Variants in PKNOX2 observed in about 807,000 individuals in gnomAD.
PKNOX2 encodes homeobox protein PKNOX2.
A neutral mutation model predicts 53.1 loss-of-function variants in PKNOX2; 14 were observed. The ratio of observed to expected loss-of-function variants is 0.26; its 90% CI spans 0.17 to 0.41. The LOEUF (loss-of-function observed/expected upper bound fraction) is 0.41. PKNOX2 is among the 10% of genes least tolerant of loss of function. The pLI is 1.00. For missense variants in PKNOX2, 496 were observed against 602.8 expected (o/e 0.82, Z 1.85); for synonymous variants, 257 against 242.8 (o/e 1.06, Z -0.54).
Position 125,431,741 on chromosome 11 carries a change from G to T in PKNOX2, c.*349G>T. The T allele has an allele frequency of 3.7e-6, 1 of 273,718 alleles. No homozygotes were observed. Among genetic ancestry groups the T allele is most frequent in the Non-Finnish European group, 7.0e-6 (1 of 142,742 alleles). The allele number at this position is 273,718 out of a possible 1,614,324, so 17.0% of individuals were successfully genotyped here. A position where few individuals can be genotyped will look rare whatever the true frequency, so the allele number is the denominator to read the frequency against. ...ACGGAAGGACTTGAGTTGTTTACAAGCCCTGCACTGAGGCAGATTGGTGCT... is the reference window on the plus strand; with the variant it reads ...ACGGAAGGACTTGAGTTGTTTACAATCCCTGCACTGAGGCAGATTGGTGCT... On this transcript the variant is annotated 3_prime_UTR_variant, in exon 13 of 13. Transcript: ENST00000298282.
Position 125,259,878 on chromosome 11 carries a change from CTT to C in PKNOX2, c.-130+24775_-130+24776del, listed in dbSNP as rs551076606. On this transcript the variant is annotated intron_variant, in intron 2 of 12. Transcript: ENST00000298282. The stretch of plus-strand genomic sequence containing the variant: ...CACCCCCATTCTTTTTTTTTTAATT[CTT>C]TTTTTTTTTTTAAAGAGACAGGGCC... Among the ~76,000 whole-genome samples the C allele has an allele frequency of 2.4e-3, 339 of 144,136 alleles. 2 individuals carry two copies. The highest frequency in any genetic ancestry group is 9.7e-3 in the South Asian group (43 of 4,450). 94.6% of individuals were successfully genotyped at this position (144,136 alleles called of 152,430 possible).
intron 2 of PKNOX2, among the ~76,000 whole-genome samples, chr11:125,261,239 T>C (rs1469572372): frequency 2.0e-5 from 3 of 152,194 alleles, no homozygotes; most frequent in African/African-American, 4.8e-5. Context: ...TGCTGCTTCC[T>C]GGAGTCACAT....
chr11:125,374,929 A>C (rs1952751961), intron 5 of PKNOX2, among the ~76,000 whole-genome samples: 1 of 117,550 alleles, frequency 8.5e-6, no homozygotes. Flanking sequence ...GCTAGTGCAA[A>C]TGACATGGGG....
intron 2 of PKNOX2, among the ~76,000 whole-genome samples, chr11:125,252,681 T>C (rs1286550459): frequency 1.3e-5 from 2 of 152,064 alleles, no homozygotes; most frequent in African/African-American, 4.8e-5. Flanking sequence ...CAAGGTGTGG[T>C]ACCCAATGAG....
At chr11:125,282,252 G>A (rs941673139) in intron 2 of PKNOX2, among the ~76,000 whole-genome samples, 3 of 152,230 alleles carry the variant, frequency 2.0e-5, no homozygotes, top group African/African-American at 4.8e-5. Flanking sequence ...ATTTTTAGCC[G>A]CATGGCCTTG....
At chr11:125,335,598 T>C (rs1950397207) in intron 3 of PKNOX2, among the ~76,000 whole-genome samples, 1 of 152,186 alleles carries the variant, frequency 6.6e-6, no homozygotes, top group Non-Finnish European at 1.5e-5. Flanking sequence ...GTCAAGAACT[T>C]AGAGTTGTTA....
chr11:125,420,657 C>A (rs772455662), intron 10 of PKNOX2, among the ~76,000 whole-genome samples: 19 of 152,326 alleles, frequency 1.2e-4, no homozygotes, highest in Middle Eastern at 3.4e-3. Context: ...CTCAACCTCT[C>A]TAAGCCTCTC....
At chr11:125,322,497 T>C (rs1949575332) in intron 2 of PKNOX2, among the ~76,000 whole-genome samples, 1 of 152,166 alleles carries the variant, frequency 6.6e-6, no homozygotes, top group Non-Finnish European at 1.5e-5. Context: ...GCGTTTTCCA[T>C]GAAGTGAAGC....
chr11:125,341,259 G>GCAGGA (rs1262334667), intron 3 of PKNOX2, among the ~76,000 whole-genome samples: 1 of 151,604 alleles, frequency 6.6e-6, no homozygotes, highest in Admixed American at 6.6e-5. Flanking sequence ...GGGAGGCTGG[G>GCAGGA]GCAGGAGAAT....
chr11:125,167,023 C>A (rs1042908252), intron 1 of PKNOX2, among the ~76,000 whole-genome samples: 1 of 152,054 alleles, frequency 6.6e-6, no homozygotes, highest in South Asian at 2.1e-4. Context: ...CCTTCGGAGG[C>A]CCCAGGACCT....
intron 1 of PKNOX2, among the ~76,000 whole-genome samples, chr11:125,182,967 A>G (rs1157563937): frequency 6.6e-6 from 1 of 152,176 alleles, no homozygotes; most frequent in Non-Finnish European, 1.5e-5. Flanking sequence ...ACTGTTTGGA[A>G]TCAATGAAAC....
intron 10 of PKNOX2, among the ~76,000 whole-genome samples, chr11:125,416,302 CAAAAAA>C (rs61354494): frequency 7.1e-5 from 5 of 70,458 alleles, no homozygotes; most frequent in South Asian, 1.2e-3. Flanking sequence ...GACGCCGTCT[CAAAAAA>C]AAAAAAAAAA....
chr11:125,371,246 G>A (rs573304740), intron 5 of PKNOX2, among the ~76,000 whole-genome samples: 2 of 152,246 alleles, frequency 1.3e-5, no homozygotes, highest in Non-Finnish European at 2.9e-5. Flanking sequence ...TGCACATCGC[G>A]GGTAATTGTG....
At chr11:125,375,882 G>A (rs1162152941) in intron 5 of PKNOX2, among the ~76,000 whole-genome samples, 5 of 152,184 alleles carry the variant, frequency 3.3e-5, no homozygotes, top group Admixed American at 2.0e-4. Flanking sequence ...GGGTGCAGGA[G>A]CAGGTTTGTT....
rs185909496 is a variant in PKNOX2 at position 125,416,815 on chromosome 11, C to A, written c.936+4950C>A. On this transcript the variant is annotated intron_variant, in intron 10 of 12. Transcript: ENST00000298282. ...TGTAGTAAATACTGGTTCCTGTTGT[C>A]TTCTTTCCCTGGGGCATAAGTTTGT... Among the ~76,000 whole-genome samples the A allele has an allele frequency of 1.2e-3, 189 of 152,174 alleles. 2 individuals are homozygous for A. The highest frequency in any genetic ancestry group is 4.3e-3 in the African/African-American group (180 of 41,414).
chr11:125,342,723 G>A (rs1219969822), intron 3 of PKNOX2, among the ~76,000 whole-genome samples: 3 of 151,752 alleles, frequency 2.0e-5, no homozygotes, highest in East Asian at 1.9e-4. Flanking sequence ...TTTCAGATCT[G>A]TTTCTCTGTG....
chr11:125,173,640 C>T (rs1018345055), intron 1 of PKNOX2, among the ~76,000 whole-genome samples: 1 of 152,214 alleles, frequency 6.6e-6, no homozygotes, highest in Admixed American at 6.5e-5. Flanking sequence ...AGTCTTCAGT[C>T]TCAGGTGGGG....
intron 2 of PKNOX2, among the ~76,000 whole-genome samples, chr11:125,319,251 G>C (rs934443910): frequency 6.6e-6 from 1 of 151,834 alleles, no homozygotes; most frequent in Non-Finnish European, 1.5e-5. Flanking sequence ...ATCTTATAGG[G>C]GTACATTTTA....
chr11:125,232,595 T>G (rs1166469617), intron 1 of PKNOX2, among the ~76,000 whole-genome samples: 2 of 152,338 alleles, frequency 1.3e-5, no homozygotes, highest in Non-Finnish European at 1.5e-5. Flanking sequence ...CCACTAGACA[T>G]CTTCTCTCTC....
Sources: gnomAD v4.1 joint callset for allele counts (sites outside exome capture counted in the v4.1 genomes callset) on GRCh38, gnomAD v4.1.1 for gene constraint, MANE v1.5 for transcripts, NCBI Gene and HGNC (gene_info 2026-07-23, HGNC 2026-07-21) for gene names.